The following FREM1 variants were observed in gnomAD, a reference collection of about 807,000 sequenced individuals.
The protein encoded by FREM1 is FRAS1 related extracellular matrix 1.
Under a neutral mutation model 210.1 loss-of-function variants are expected in FREM1, and 220 were observed. The observed-to-expected ratio is 1.05, with a 90% CI of 0.94 to 1.17. The LOEUF is 1.17. Ranked by LOEUF, FREM1 falls within the 50% of genes most tolerant of loss-of-function variation. The pLI is 0.00. For synonymous variants in FREM1, 1,189 were observed against 980.2 expected (o/e 1.21, Z -3.98); for missense variants, 3,454 against 2,675.5 (o/e 1.29, Z -6.42).
intron 9 of FREM1, 136 bp downstream of exon 9, chr9:14,842,180 C>G: frequency 1.7e-6 from 1 of 596,304 alleles, no homozygotes; most frequent in Non-Finnish European, 3.0e-6. Flanking sequence ...AATAAAAATA[C>G]TATCTTACTT....
At chr9:14,908,840 TG>T (rs1319428707) in intron 1 of FREM1, among the ~76,000 whole-genome samples, 5 of 152,170 alleles carry the variant, frequency 3.3e-5, no homozygotes, top group African/African-American at 9.6e-5. Context: ...ACTGAGAACC[TG>T]CCTTTCACCA....
intron 10 of FREM1, among the ~76,000 whole-genome samples, chr9:14,835,702 A>G (rs1055099213): frequency 1.3e-5 from 2 of 152,228 alleles, no homozygotes; most frequent in Admixed American, 6.5e-5. Context: ...TTCCTTGTGA[A>G]ACAGCGTTTC....
chr9:14,796,748 G>A (rs1047307972), intron 21 of FREM1, among the ~76,000 whole-genome samples: 2 of 152,158 alleles, frequency 1.3e-5, no homozygotes, highest in Admixed American at 6.5e-5. Context: ...ACCATGTGAA[G>A]AAGGATGTGT....
At chr9:14,780,821 TA>T (rs1849543578) in intron 24 of FREM1, among the ~76,000 whole-genome samples, 1 of 152,162 alleles carries the variant, frequency 6.6e-6, no homozygotes, top group Non-Finnish European at 1.5e-5. Flanking sequence ...ATTTAATTTT[TA>T]AAAAGCACCA....
At chr9:14,895,750 G>A (rs1429495461) in intron 1 of FREM1, among the ~76,000 whole-genome samples, 1 of 151,796 alleles carries the variant, frequency 6.6e-6, no homozygotes, top group African/African-American at 2.4e-5. Context: ...AGTTATGAGT[G>A]GCCCTTGACA....
At chr9:14,755,776 G>A (rs1246728065) in intron 29 of FREM1, among the ~76,000 whole-genome samples, 1 of 152,184 alleles carries the variant, frequency 6.6e-6, no homozygotes, top group East Asian at 1.9e-4. Flanking sequence ...GGGTCCCAGT[G>A]CACTATCAGT....
chr9:14,861,136 T>C (rs1338282111), intron 3 of FREM1, among the ~76,000 whole-genome samples: 1 of 138,486 alleles, frequency 7.2e-6, no homozygotes, highest in African/African-American at 2.7e-5. Context: ...TACACATATA[T>C]ACATATATAC....
chr9:14,778,910 A>C (rs1286317474), intron 24 of FREM1, among the ~76,000 whole-genome samples: 1 of 152,106 alleles, frequency 6.6e-6, no homozygotes, highest in Non-Finnish European at 1.5e-5. Flanking sequence ...AAAGAAAATA[A>C]AGGAACCTAG....
At chr9:14,784,192 C>T in intron 24 of FREM1, 178 bp downstream of exon 24, 5 of 524,730 alleles carry the variant, frequency 9.5e-6, no homozygotes, top group South Asian at 5.9e-5. Context: ...TTTTTTTCTC[C>T]TTTTCTTTCC....
At position 14,740,235 on chromosome 9, in the gene FREM1, CT is replaced by C; in HGVS notation, c.6255-2del. 1 of 1,609,492 alleles carries C rather than the reference CT, an allele frequency of 6.2e-7. No homozygotes were observed. Among genetic ancestry groups the C allele is most frequent in the African/African-American group, 1.3e-5 (1 of 74,890 alleles). ...TACAGTTACAAGGTTGCCCAGGTAT[CT>C]AAATGCAAATGAAAATGAGAGTATC... On this transcript the variant is annotated splice_acceptor_variant, in intron 35 of 36. Transcript: ENST00000380880. LOFTEE classifies it high-confidence loss of function.
chr9:14,859,526 A>C, intron 3 of FREM1, 42 bp from the exon 4 acceptor site: 1 of 1,532,530 alleles, frequency 6.5e-7, no homozygotes, highest in Non-Finnish European at 8.9e-7. Flanking sequence ...ATTGGTGCTC[A>C]GGTATTTCTG....
At chr9:14,773,274 A>C (rs1014723529) in intron 25 of FREM1, among the ~76,000 whole-genome samples, 1 of 152,204 alleles carries the variant, frequency 6.6e-6, no homozygotes, top group African/African-American at 2.4e-5. Context: ...TACCAAATGA[A>C]TGTCAGGTTG....
Position 14,806,687 on chromosome 9 carries a change from T to C in FREM1, c.3248A>G (p.Glu1083Gly). The change falls in exon 18 of 37, where the codon GAA becomes GGA. Residue 1083 changes from glutamate (E) to glycine (G), a missense_variant. Coordinates refer to ENST00000380880, the MANE Select transcript of FREM1 (RefSeq NM_001379081.2). ...LENILPSVGF[E>G]KSNIGISIDS... ...TATACTTATGCCAATATTGCTTTTTTCAAAACCCACAGAAGGGAGTATATT... is the reference window on the plus strand; with the variant it reads ...TATACTTATGCCAATATTGCTTTTTCCAAAACCCACAGAAGGGAGTATATT... The C allele has an allele frequency of 6.2e-7, 1 of 1,600,176 alleles. No individual in the cohort carries two copies. Among genetic ancestry groups the C allele is most frequent in the Non-Finnish European group, 8.5e-7 (1 of 1,172,662 alleles).
At position 14,860,948 on chromosome 9, in the gene FREM1, C is replaced by CACATATATACACATATATACAT. The variant is rs1564103793; in HGVS notation, c.330-1465_330-1464insATGTATATATGTGTATATATGT. ...ATATACACATATACACACATATACACATATACACATATATACACATATATA... is the reference window on the plus strand; with the variant it reads ...ATATACACATATACACACATATACACACATATATACACATATATACATATATACACATATATACACATATATA... On this transcript the variant is annotated intron_variant, in intron 3 of 36. Transcript: ENST00000380880. Among the ~76,000 whole-genome samples, 26 of 50,474 alleles carry CACATATATACACATATATACAT rather than the reference C, an allele frequency of 5.2e-4. 2 individuals are homozygous for CACATATATACACATATATACAT. The highest frequency in any genetic ancestry group is 1.8e-3 in the Admixed American group (8 of 4,530). 33.1% of individuals were successfully genotyped at this position (50,474 alleles called of 152,430 possible).
chr9:14,872,820 TTTA>T (rs1252292354), intron 1 of FREM1, among the ~76,000 whole-genome samples: 3 of 151,874 alleles, frequency 2.0e-5, no homozygotes, highest in Non-Finnish European at 4.4e-5. Flanking sequence ...ATAGATAGCT[TTTA>T]TTATTTTGAG....
intron 24 of FREM1, among the ~76,000 whole-genome samples, chr9:14,781,193 G>A (rs1343011020): frequency 6.6e-6 from 1 of 152,004 alleles, no homozygotes; most frequent in East Asian, 1.9e-4. Context: ...GTGTACAATG[G>A]GAACACTATT....
At chr9:14,812,571 C>T (rs1022753956) in intron 16 of FREM1, among the ~76,000 whole-genome samples, 4 of 152,130 alleles carry the variant, frequency 2.6e-5, no homozygotes, top group Admixed American at 6.5e-5. Context: ...TGTGTGGTAG[C>T]GTCAGGAACA....
At chr9:14,765,029 A>G (rs1308280908) in intron 27 of FREM1, among the ~76,000 whole-genome samples, 2 of 152,228 alleles carry the variant, frequency 1.3e-5, no homozygotes, top group African/African-American at 2.4e-5. Context: ...AATTCTCATT[A>G]AGTATTTTGA....
chr9:14,790,802 T>G (rs1054622432), intron 22 of FREM1: 1 of 152,258 alleles, frequency 6.6e-6, no homozygotes, highest in Non-Finnish European at 1.5e-5. Flanking sequence ...GGAGCCATAC[T>G]GGGAACCTGG....
Sources: allele counts gnomAD v4.1 joint callset (sites outside exome capture counted in the v4.1 genomes callset), GRCh38; gene constraint gnomAD v4.1.1; transcripts MANE v1.5; gene names NCBI Gene and HGNC (gene_info 2026-07-23, HGNC 2026-07-21).